PRH1: variants seen among roughly 807,000 people sequenced by gnomAD.
PRH1 encodes the protein salivary acidic proline-rich phosphoprotein 1/2.
Under a neutral mutation model 7.9 loss-of-function variants are expected in PRH1, and 7 were observed. The ratio of observed to expected loss-of-function variants is 0.89; its 90% CI spans 0.50 to 1.67. The LOEUF (loss-of-function observed/expected upper bound fraction) is 1.67. Ranked by LOEUF, PRH1 falls within the 40% of genes most tolerant of loss-of-function variation. The pLI is 0.00. For synonymous variants in PRH1, 45 were observed against 80.8 expected (o/e 0.56, Z 2.38); for missense variants, 109 against 223.6 (o/e 0.49, Z 3.27).
intron 2 of PRH1, among the ~76,000 whole-genome samples, chr12:10,947,709 T>C (rs1950509255): frequency 1.3e-5 from 2 of 152,146 alleles, no homozygotes; most frequent in African/African-American, 4.8e-5. Context: ...TTGTTTGTGT[T>C]GTTGCTTTAC....
At chr12:11,051,982 T>A (rs2708390), upstream of PRH1, among the ~76,000 whole-genome samples, 151,571 of 152,276 alleles carry the variant, frequency 1, 75,437 homozygotes, top group Non-Finnish European at 1. Flanking sequence ...TCCTTTGCAT[T>A]TATATAGCTG....
chr12:10,996,611 T>C (rs1427697124), intron 1 of PRH1: 6 of 174,792 alleles, frequency 3.4e-5, no homozygotes, highest in South Asian at 2.0e-4. Context: ...TGAAATATCA[T>C]ATAAAAAAAT....
At chr12:11,144,398 A>C (rs569933048) in intron 1 of PRH1, among the ~76,000 whole-genome samples, 11 of 152,290 alleles carry the variant, frequency 7.2e-5, no homozygotes, top group Non-Finnish European at 1.2e-4. Flanking sequence ...GGTCTCACCC[A>C]GCAACCATGC....
At chr12:10,972,913 G>A (rs1439013613) in intron 2 of PRH1, among the ~76,000 whole-genome samples, 1 of 142,862 alleles carries the variant, frequency 7.0e-6, no homozygotes, top group Non-Finnish European at 1.5e-5. Flanking sequence ...CAATTAACAC[G>A]TACAAAGCAC....
chr12:11,004,441 G>T lies in PRH1; in HGVS notation c.-125-30720C>A, dbSNP rs1055656471. On this transcript the variant is annotated intron_variant, in intron 1 of 3. Coordinates refer to the PRH1 transcript ENST00000539853. Reference sequence around the variant, plus strand: ...GAATTGAGTGAACCCGGAGGCGGAGGTTGCGGTGAGCTGAGATCACACCAC... The same window carrying T: ...GAATTGAGTGAACCCGGAGGCGGAGTTTGCGGTGAGCTGAGATCACACCAC... Among the ~76,000 whole-genome samples the T allele has an allele frequency of 2.0e-5, 3 of 152,204 alleles. No homozygotes were observed. The South Asian group carries it at 6.2e-4, about 32-fold the overall frequency.
At chr12:11,146,839 A>C (rs1185514868) in intron 1 of PRH1, among the ~76,000 whole-genome samples, 1 of 152,204 alleles carries the variant, frequency 6.6e-6, no homozygotes, top group Non-Finnish European at 1.5e-5. Flanking sequence ...ATTTCTAATG[A>C]TAATCTTATT....
At chr12:10,978,783 GACATAC>G (rs61170297) in intron 1 of PRH1, among the ~76,000 whole-genome samples, 33,013 of 151,860 alleles carry the variant, frequency 0.22, 3,642 homozygotes, top group Non-Finnish European at 0.24. Context: ...TTCAAGTGAA[GACATAC>G]ACACAGCCAA....
intron 2 of PRH1, among the ~76,000 whole-genome samples, chr12:10,894,379 CTTA>C (rs1257185261): frequency 6.6e-6 from 1 of 152,066 alleles, no homozygotes; most frequent in Non-Finnish European, 1.5e-5. Flanking sequence ...CAGAATAGGG[CTTA>C]TATTTGGAAA....
At chr12:11,051,609 T>A (rs1374660654), upstream of PRH1, among the ~76,000 whole-genome samples, 3 of 152,210 alleles carry the variant, frequency 2.0e-5, no homozygotes, top group African/African-American at 7.2e-5. Context: ...TCACACCTCC[T>A]GTAATACGCA....
intron 1 of PRH1, among the ~76,000 whole-genome samples, chr12:10,994,239 G>T (rs537606716): frequency 6.6e-6 from 1 of 152,198 alleles, no homozygotes; most frequent in African/African-American, 2.4e-5. Context: ...TGGGCATGAG[G>T]TCTGACTTTC....
At chr12:11,109,303 A>G (rs1000547562) in intron 1 of PRH1, among the ~76,000 whole-genome samples, 1 of 152,212 alleles carries the variant, frequency 6.6e-6, no homozygotes, top group Admixed American at 6.5e-5. Context: ...CTCCCAGCAC[A>G]GCACTTGAGC....
chr12:10,922,847 A>G (rs1950068670), intron 2 of PRH1, among the ~76,000 whole-genome samples: 1 of 35,422 alleles, frequency 2.8e-5, no homozygotes, highest in African/African-American at 5.2e-5. Context: ...TTTGAGACGG[A>G]GTCTCGCTCT....
At chr12:10,993,963 A>T (rs1056795263) in intron 1 of PRH1, among the ~76,000 whole-genome samples, 1 of 152,212 alleles carries the variant, frequency 6.6e-6, no homozygotes, top group Non-Finnish European at 1.5e-5. Flanking sequence ...ACAAAACAGC[A>T]GGTGCAGAAA....
chr12:11,049,639 T>C (rs1943060625), upstream of PRH1, among the ~76,000 whole-genome samples: 1 of 152,208 alleles, frequency 6.6e-6, no homozygotes, highest in Admixed American at 6.5e-5. Flanking sequence ...AACCTCTCCA[T>C]AATTTGTGTC....
intron 2 of PRH1, among the ~76,000 whole-genome samples, chr12:10,917,141 G>A (rs1017198828): frequency 1.7e-4 from 26 of 152,114 alleles, no homozygotes; most frequent in African/African-American, 6.3e-4. Flanking sequence ...ATATTTGTAC[G>A]TATGAGATAA....
At chr12:10,889,763 GTCTT>G (rs1949544307) in intron 2 of PRH1, among the ~76,000 whole-genome samples, 1 of 152,048 alleles carries the variant, frequency 6.6e-6, no homozygotes, top group Admixed American at 6.5e-5. Context: ...CAAGAACACT[GTCTT>G]TCCTCCATCA....
chr12:10,962,678 G>A (rs1462027967), intron 2 of PRH1, among the ~76,000 whole-genome samples: 1 of 152,116 alleles, frequency 6.6e-6, no homozygotes, highest in East Asian at 1.9e-4. Flanking sequence ...TAACTCATTT[G>A]TTCTTCAAAA....
chr12:11,071,292 G>T (rs771583888), intron 1 of PRH1, among the ~76,000 whole-genome samples: 7 of 151,676 alleles, frequency 4.6e-5, no homozygotes, highest in Non-Finnish European at 8.8e-5. Flanking sequence ...ATACCTACTT[G>T]GCCACTTTTA....
At chr12:11,019,847 TG>T (rs1357876882) in intron 1 of PRH1, among the ~76,000 whole-genome samples, 2 of 152,298 alleles carry the variant, frequency 1.3e-5, no homozygotes, top group Admixed American at 1.3e-4. Context: ...TGGCAGCTGC[TG>T]GGAAGTTCCC....
Sources: gnomAD v4.1 joint callset for allele counts (sites outside exome capture counted in the v4.1 genomes callset) on GRCh38, gnomAD v4.1.1 for gene constraint, MANE v1.5 for transcripts, NCBI Gene and HGNC (gene_info 2026-07-23, HGNC 2026-07-21) for gene names.